ASTN1: variants seen among roughly 807,000 people sequenced by gnomAD.
ASTN1 encodes astrotactin 1.
Under a neutral mutation model 140.7 loss-of-function variants are expected in ASTN1, and 41 were observed. The observed-to-expected ratio is 0.29, with a 90% CI of 0.23 to 0.38. ASTN1 has a LOEUF of 0.38. Among genes scored for constraint, ASTN1 ranks in the 10% least tolerant of loss-of-function variants. The pLI is 1.00. For missense variants in ASTN1, 1,479 were observed against 1,678.8 expected (o/e 0.88, Z 2.08); for synonymous variants, 640 against 652.2 (o/e 0.98, Z 0.29).
At chr1:176,925,445 A>G (rs1670914091) in intron 16 of ASTN1, among the ~76,000 whole-genome samples, 1 of 152,248 alleles carries the variant, frequency 6.6e-6, no homozygotes, top group South Asian at 2.1e-4. Context: ...TTACTGAATT[A>G]GAATCTCCAT....
intron 8 of ASTN1, among the ~76,000 whole-genome samples, chr1:177,002,841 G>A (rs1674799879): frequency 1.3e-5 from 2 of 151,622 alleles, no homozygotes; most frequent in East Asian, 1.9e-4. Flanking sequence ...TATCCAGTTC[G>A]ACCTCTATTC....
At chr1:177,008,166 G>A (rs1274968052) in intron 8 of ASTN1, among the ~76,000 whole-genome samples, 1 of 152,162 alleles carries the variant, frequency 6.6e-6, no homozygotes, top group Non-Finnish European at 1.5e-5. Context: ...GTTCCTGCCT[G>A]CTCACCCAAG....
intron 1 of ASTN1, among the ~76,000 whole-genome samples, chr1:177,073,255 G>A (rs1411510754): frequency 6.6e-6 from 1 of 152,042 alleles, no homozygotes; most frequent in African/African-American, 2.4e-5. Flanking sequence ...TAGCTACTTG[G>A]CAACTGACTC....
chr1:177,155,966 T>C (rs1683217104), intron 1 of ASTN1, among the ~76,000 whole-genome samples: 1 of 152,010 alleles, frequency 6.6e-6, no homozygotes, highest in Non-Finnish European at 1.5e-5. Context: ...TCTAACATCA[T>C]CCTCCAATTA....
intron 18 of ASTN1, among the ~76,000 whole-genome samples, chr1:176,885,442 T>A (rs1292358835): frequency 1.3e-5 from 2 of 152,200 alleles, no homozygotes; most frequent in Non-Finnish European, 2.9e-5. Context: ...AGGTTTCCCC[T>A]CTTTCTTCCA....
chr1:177,130,311 A>G (rs1681881572), intron 1 of ASTN1, among the ~76,000 whole-genome samples: 1 of 152,136 alleles, frequency 6.6e-6, no homozygotes, highest in Admixed American at 6.6e-5. Context: ...AGGTTAGGAT[A>G]TCCTCCCAGA....
chr1:177,014,123 A>C (rs1208713616), intron 8 of ASTN1, among the ~76,000 whole-genome samples: 2 of 152,138 alleles, frequency 1.3e-5, no homozygotes, highest in African/African-American at 4.8e-5. Context: ...ATGCCACTGA[A>C]TTGTATACTT....
At chr1:177,015,832 T>C (rs748341451) in intron 7 of ASTN1, among the ~76,000 whole-genome samples, 3 of 152,214 alleles carry the variant, frequency 2.0e-5, no homozygotes, top group Non-Finnish European at 4.4e-5. Context: ...ATGTTAATAA[T>C]TCTTTATGCA....
At chr1:176,897,925 C>G (rs1669591914) in intron 16 of ASTN1, among the ~76,000 whole-genome samples, 1 of 152,162 alleles carries the variant, frequency 6.6e-6, no homozygotes, top group South Asian at 2.1e-4. Context: ...GCCCCCTCCT[C>G]TCATTACTAA....
rs540415273 is a variant in ASTN1 at position 176,972,028 on chromosome 1, T to C, written c.1524-6791A>G. On this transcript the variant is annotated intron_variant, in intron 8 of 22. Coordinates refer to ENST00000361833, the MANE Select transcript of ASTN1 (RefSeq NM_004319.3). The stretch of plus-strand genomic sequence containing the variant: ...TAGCCTACTAGACACCTAGGCTATA[T>C]AGTATAACCTATTGCTCCTAGGCTA... Among the ~76,000 whole-genome samples the C allele has an allele frequency of 2.6e-5, 4 of 152,324 alleles. No individual in the cohort carries two copies. The South Asian group carries it at 8.3e-4, about 32-fold the overall frequency.
chr1:177,080,001 C>T (rs573761911), intron 1 of ASTN1, among the ~76,000 whole-genome samples: 25 of 152,190 alleles, frequency 1.6e-4, no homozygotes, highest in African/African-American at 4.8e-4. Context: ...AGACTTTTTA[C>T]ATTTCTATAT....
Position 177,023,740 on chromosome 1 carries a change from G to C in ASTN1, c.1271-169C>G, listed in dbSNP as rs78677695. Among the ~76,000 whole-genome samples, 45 of 152,258 alleles carry C rather than the reference G, an allele frequency of 3.0e-4. 1 individual carries two copies. The East Asian group carries it at 8.3e-3, about 28-fold the overall frequency. On this transcript the variant is annotated intron_variant, in intron 6 of 22. Transcript: ENST00000361833. ...CAGAGCAAGGGATCAGCAGACAGAG[G>C]CTGGGCCATCACTTGGACCTCTGTG...
chr1:176,917,256 T>C (rs1411062495), intron 16 of ASTN1, among the ~76,000 whole-genome samples: 1 of 152,244 alleles, frequency 6.6e-6, no homozygotes, highest in African/African-American at 2.4e-5. Flanking sequence ...TTCATCAATG[T>C]ATTCCTAATG....
At chr1:176,968,031 A>T (rs538896888) in intron 8 of ASTN1, among the ~76,000 whole-genome samples, 2 of 152,314 alleles carry the variant, frequency 1.3e-5, no homozygotes, top group East Asian at 3.9e-4. Context: ...GTTTCAGGAC[A>T]TGGATTCTGG....
At chr1:176,928,463 G>A (rs1007653462) in intron 16 of ASTN1, among the ~76,000 whole-genome samples, 9 of 152,344 alleles carry the variant, frequency 5.9e-5, no homozygotes, top group Non-Finnish European at 5.9e-5. Flanking sequence ...AGGGAAATGT[G>A]GAGAGTGCTG....
intron 2 of ASTN1, among the ~76,000 whole-genome samples, chr1:177,059,003 A>G (rs1333355144): frequency 3.3e-5 from 5 of 151,294 alleles, no homozygotes. Context: ...CCCTCCCTAG[A>G]CTCCCCTTCT....
At chr1:176,981,552 T>C (rs1055898078) in intron 8 of ASTN1, 2 of 152,194 alleles carry the variant, frequency 1.3e-5, no homozygotes, top group Admixed American at 6.6e-5. Flanking sequence ...ACAGGGAGAA[T>C]GCCACAAGAA....
chr1:177,069,264 T>C (rs1558072680), intron 1 of ASTN1, among the ~76,000 whole-genome samples: 1 of 152,188 alleles, frequency 6.6e-6, no homozygotes, highest in African/African-American at 2.4e-5. Context: ...ATCAGTTTTG[T>C]TTCTGTGGAT....
chr1:177,090,233 G>A (rs926656845), intron 1 of ASTN1, among the ~76,000 whole-genome samples: 1 of 151,298 alleles, frequency 6.6e-6, no homozygotes, highest in Non-Finnish European at 1.5e-5. Flanking sequence ...CCCACACACA[G>A]TACCCTGTTT....
Sources: gnomAD v4.1 joint callset for allele counts (sites outside exome capture counted in the v4.1 genomes callset) on GRCh38, gnomAD v4.1.1 for gene constraint, MANE v1.5 for transcripts, NCBI Gene and HGNC (gene_info 2026-07-23, HGNC 2026-07-21) for gene names.